The following CFAP20DC variants were observed in gnomAD, a reference collection of about 807,000 sequenced individuals.
CFAP20DC encodes the protein protein CFAP20DC.
CFAP20DC carries 84 observed loss-of-function variants against 101.7 expected under a neutral mutation model. That is an observed-to-expected ratio of 0.83 (90% CI 0.69 to 0.99). The LOEUF (loss-of-function observed/expected upper bound fraction) is 0.99. Ranked by LOEUF, CFAP20DC falls within the 50% of genes least tolerant of loss-of-function variation. The probability of loss-of-function intolerance (pLI) is 0.00; values close to 1 mark genes in which losing one functional copy is unlikely to be tolerated. For synonymous variants in CFAP20DC, 359 were observed against 351.2 expected (o/e 1.02, Z -0.25); for missense variants, 1,007 against 970.3 (o/e 1.04, Z -0.50).
At chr3:58,784,313 A>G (rs2072118260) in intron 15 of CFAP20DC, among the ~76,000 whole-genome samples, 1 of 151,930 alleles carries the variant, frequency 6.6e-6, no homozygotes, top group South Asian at 2.1e-4. Flanking sequence ...CAAATATTCC[A>G]TGATACATAT....
intron 4 of CFAP20DC, among the ~76,000 whole-genome samples, chr3:58,972,717 G>C (rs1292625562): frequency 6.6e-6 from 1 of 152,064 alleles, no homozygotes; most frequent in Non-Finnish European, 1.5e-5. Flanking sequence ...GTAATGAGGA[G>C]GTAAATTAAC....
intron 3 of CFAP20DC, among the ~76,000 whole-genome samples, chr3:58,733,242 G>C (rs1178565145): frequency 6.6e-6 from 1 of 152,152 alleles, no homozygotes. Flanking sequence ...TGAGGCAGGA[G>C]AATCACTTGA....
Position 58,894,129 on chromosome 3 carries a change from C to T in CFAP20DC, c.551-9420G>A, listed in dbSNP as rs190879831. On this transcript the variant is annotated intron_variant, in intron 6 of 16. Transcript: ENST00000482387. This position sits in a 1 kb window ranked among gnomAD's most constrained non-coding sequence, Gnocchi z 4.1. ...CAACACGTGGGAATTCAAGATGAGACTTGGGTGAGGACACAGCCAAACCAT... is the reference window on the plus strand; with the variant it reads ...CAACACGTGGGAATTCAAGATGAGATTTGGGTGAGGACACAGCCAAACCAT... Among the ~76,000 whole-genome samples the T allele has an allele frequency of 4.8e-4, 73 of 152,274 alleles. 1 individual carries two copies. The highest frequency in any genetic ancestry group is 1.7e-3 in the African/African-American group (72 of 41,570).
At chr3:58,963,370 C>T (rs952366543) in intron 4 of CFAP20DC, among the ~76,000 whole-genome samples, 5 of 151,964 alleles carry the variant, frequency 3.3e-5, no homozygotes, top group Admixed American at 6.6e-5. Context: ...CTTACTCTAC[C>T]ATTTTGTAAT....
chr3:59,046,371 C>T (rs1699862127), intron 2 of CFAP20DC, 49 bp from the exon 3 acceptor site: 1 of 1,180,182 alleles, frequency 8.5e-7, no homozygotes, highest in Non-Finnish European at 1.2e-6. Flanking sequence ...TTTTATTTGG[C>T]TTCTACTATA....
At chr3:58,730,636 T>C (rs2067627199) in intron 3 of CFAP20DC, among the ~76,000 whole-genome samples, 1 of 152,210 alleles carries the variant, frequency 6.6e-6, no homozygotes, top group South Asian at 2.1e-4. Flanking sequence ...CAGATGCATT[T>C]GCCATCCGTT....
intron 4 of CFAP20DC, among the ~76,000 whole-genome samples, chr3:58,989,533 A>G (rs1182503348): frequency 6.6e-6 from 1 of 152,146 alleles, no homozygotes; most frequent in Non-Finnish European, 1.5e-5. Flanking sequence ...AAACTTTTTT[A>G]GATATTCCAC....
chr3:58,954,794 T>G (rs1317980635), intron 4 of CFAP20DC, among the ~76,000 whole-genome samples: 1 of 152,202 alleles, frequency 6.6e-6, no homozygotes, highest in African/African-American at 2.4e-5. Flanking sequence ...GTAGCTCATT[T>G]CTTTTTTTAA....
At chr3:59,043,773 G>A (rs1699621808) in intron 3 of CFAP20DC, among the ~76,000 whole-genome samples, 1 of 152,172 alleles carries the variant, frequency 6.6e-6, no homozygotes, top group South Asian at 2.1e-4. Flanking sequence ...GTGTTCCAGA[G>A]TGAAGAGCAG....
chr3:58,867,748 C>T (rs766952629), intron 10 of CFAP20DC, 69 bp downstream of exon 10: 3 of 1,567,246 alleles, frequency 1.9e-6, no homozygotes, highest in Non-Finnish European at 2.6e-6. Context: ...AAATTTACAA[C>T]CTGCAGAGAG....
At chr3:58,796,250 A>G (rs924210674) in intron 15 of CFAP20DC, among the ~76,000 whole-genome samples, 1 of 152,212 alleles carries the variant, frequency 6.6e-6, no homozygotes, top group Admixed American at 6.5e-5. Flanking sequence ...CTGTCCACTC[A>G]CATTGTACTG....
intron 4 of CFAP20DC, among the ~76,000 whole-genome samples, chr3:59,026,151 A>G (rs907073504): frequency 1.3e-5 from 2 of 152,184 alleles, no homozygotes; most frequent in Admixed American, 1.3e-4. Flanking sequence ...AGTACATTTA[A>G]TTTGACATAA....
At chr3:58,921,376 A>G (rs543490511) in intron 5 of CFAP20DC, among the ~76,000 whole-genome samples, 5 of 152,114 alleles carry the variant, frequency 3.3e-5, no homozygotes, top group Non-Finnish European at 7.4e-5. Context: ...ATTAAAAGCT[A>G]TAAATTTCCC....
In CFAP20DC at chr3:58,724,682, A is replaced by G. The variant is rs1368428112; in HGVS notation, c.198-7054T>C. ...TAAGTGATTGTACTGAATATATAGC[A>G]TGGAGACCAGAGCTCGGCGCCTTTT... On this transcript the variant is annotated intron_variant, in intron 3 of 3. Coordinates refer to the CFAP20DC transcript ENST00000486145. This position sits in a 1 kb window ranked among gnomAD's most constrained non-coding sequence, Gnocchi z 5.6. 6.6e-6 allele frequency among the ~76,000 whole-genome samples: 1 copy of G among 152,238 alleles called. No homozygotes were observed. The highest frequency in any genetic ancestry group is 2.4e-5 in the African/African-American group (1 of 41,466).
At chr3:58,884,807 C>T (rs554867111) in intron 6 of CFAP20DC, 98 bp from the exon 7 acceptor site, 24 of 1,016,892 alleles carry the variant, frequency 2.4e-5, no homozygotes, top group South Asian at 1.8e-4. Context: ...AAGATTTTAG[C>T]GTATGACTTT....
At chr3:58,744,156 C>T (rs1268940877) in intron 16 of CFAP20DC, among the ~76,000 whole-genome samples, 1 of 152,164 alleles carries the variant, frequency 6.6e-6, no homozygotes, top group Non-Finnish European at 1.5e-5. Context: ...AAAGCTCTTT[C>T]TCATGTAGTA....
intron 12 of CFAP20DC, among the ~76,000 whole-genome samples, chr3:58,854,681 A>C (rs1224419256): frequency 6.6e-6 from 1 of 151,520 alleles, no homozygotes; most frequent in African/African-American, 2.4e-5. Context: ...AAATAATGCC[A>C]CATATCTACA....
chr3:58,909,859 T>C (rs2083968774), intron 6 of CFAP20DC, among the ~76,000 whole-genome samples: 1 of 152,074 alleles, frequency 6.6e-6, no homozygotes, highest in African/African-American at 2.4e-5. Context: ...ACATTAGCTA[T>C]TTTGCCTGAA....
chr3:58,822,353 C>T (rs187798786), intron 14 of CFAP20DC, among the ~76,000 whole-genome samples: 62 of 141,364 alleles, frequency 4.4e-4, no homozygotes, highest in East Asian at 2.1e-3. Context: ...AACCAAACAC[C>T]GCATATTCTC....
Sources: gnomAD v4.1 joint callset for allele counts (sites outside exome capture counted in the v4.1 genomes callset) on GRCh38, gnomAD v4.1.1 for gene constraint, Gnocchi (gnomAD v3.1) non-coding constraint, MANE v1.5 for transcripts, NCBI Gene and HGNC (gene_info 2026-07-23, HGNC 2026-07-21) for gene names.